CDK13: variants seen among roughly 807,000 people sequenced by gnomAD.
CDK13 encodes cyclin-dependent kinase 13.
Under a neutral mutation model 137.6 loss-of-function variants are expected in CDK13, and 40 were observed. The observed-to-expected ratio is 0.29, with a 90% CI of 0.23 to 0.38. CDK13 has a LOEUF of 0.38. Ranked by LOEUF, CDK13 falls within the 10% of genes least tolerant of loss-of-function variation. CDK13 has a pLI of 1.00. For synonymous variants in CDK13, 869 were observed against 760.1 expected (o/e 1.14, Z -2.36); for missense variants, 1,704 against 1,951.8 (o/e 0.87, Z 2.39).
intron 9 of CDK13, among the ~76,000 whole-genome samples, chr7:40,076,162 A>G (rs977359563): frequency 1.3e-5 from 2 of 152,182 alleles, no homozygotes; most frequent in South Asian, 2.1e-4. Context: ...TACTTCTATT[A>G]TAGTGCACAA....
chr7:40,046,728 T>G (rs1375362972), intron 6 of CDK13, among the ~76,000 whole-genome samples: 1 of 150,976 alleles, frequency 6.6e-6, no homozygotes, highest in Non-Finnish European at 1.5e-5. Context: ...AGTGGCCGGG[T>G]GGGGCAGCTC....
At chr7:40,079,246 C>T (rs974666689) in intron 11 of CDK13, among the ~76,000 whole-genome samples, 1 of 152,116 alleles carries the variant, frequency 6.6e-6, no homozygotes, top group East Asian at 1.9e-4. Context: ...TGGCAAAACC[C>T]CGTCTCTACT....
intron 7 of CDK13, among the ~76,000 whole-genome samples, chr7:40,058,401 A>C (rs1584049974): frequency 6.6e-6 from 1 of 152,224 alleles, no homozygotes; most frequent in East Asian, 1.9e-4. Flanking sequence ...GTAGCTGGGC[A>C]TGGTGGTGCA....
At position 40,077,986 on chromosome 7, in the gene CDK13, C is replaced by T. The variant is rs1486068010; in HGVS notation, c.2781-19C>T. 8.4e-7 allele frequency: 1 copy of T among 1,184,776 alleles called. No homozygotes were observed. The highest frequency in any genetic ancestry group is 1.6e-5 in the South Asian group (1 of 63,976). 73.4% of individuals were successfully genotyped at this position (1,184,776 alleles called of 1,614,324 possible). On this transcript the variant is annotated intron_variant, in intron 9 of 13. Transcript: ENST00000181839. ...TTATGTAGTTGATAGTGATGTACTT[C>T]CTTTTGTGTGTTGCTTAGCCGAATA...
chr7:40,021,624 A>G (rs932835474), intron 5 of CDK13, among the ~76,000 whole-genome samples: 2 of 152,240 alleles, frequency 1.3e-5, no homozygotes, highest in Non-Finnish European at 2.9e-5. Flanking sequence ...TTAGAAACTT[A>G]ACAAATCTAA....
chr7:39,971,431 C>CA (rs1217000797), intron 1 of CDK13, among the ~76,000 whole-genome samples: 1 of 152,104 alleles, frequency 6.6e-6, no homozygotes, highest in Non-Finnish European at 1.5e-5. Context: ...GTAGGAGAAT[C>CA]ACTTGAGCCC....
chr7:39,951,311 G>A lies in CDK13; in HGVS notation c.670G>A (p.Gly224Ser), dbSNP rs1787178452. 3 of 1,396,654 alleles carry A rather than the reference G, an allele frequency of 2.1e-6. No homozygotes were observed. The highest frequency in any genetic ancestry group is 2.8e-6 in the Non-Finnish European group (3 of 1,085,482). The allele number at this position is 1,396,654 out of a possible 1,614,324, so 86.5% of individuals were successfully genotyped here. Residue 224 changes from glycine to serine, a missense_variant, in exon 1 of 14, where the codon GGT becomes AGT. Around this residue, in one of 5 missense-constraint regions of CDK13, gnomAD observed 1,051 missense variants for 931.0 expected, o/e 1.13. Transcript: ENST00000181839. ...GCACCGGCGGCGGGATGGGCAGCGCGGTGGCAGCGAGGCCTCCAAGTCCCG... is the reference window on the plus strand; with the variant it reads ...GCACCGGCGGCGGGATGGGCAGCGCAGTGGCAGCGAGGCCTCCAAGTCCCG... The part of the protein sequence containing the change: ...REHRRRDGQR[G>S]GSEASKSRSR...
intron 1 of CDK13, chr7:39,952,829 C>CT (rs4051944): frequency 1.3e-5 from 2 of 151,620 alleles, no homozygotes; most frequent in Non-Finnish European, 2.9e-5. Flanking sequence ...GCTTTCTTGC[C>CT]TTTTTTGTTA....
chr7:40,089,918 C>G lies in CDK13; in HGVS notation c.3235+1587C>G, dbSNP rs10268069. 3.0e-3 allele frequency among the ~76,000 whole-genome samples: 457 copies of G among 152,238 alleles called. 3 individuals are homozygous for G. The highest frequency in any genetic ancestry group is 0.01 in the African/African-American group (430 of 41,558). The stretch of plus-strand genomic sequence containing the variant: ...AACTGAGAAAGCTTTAGGAAGATAA[C>G]CATTAATGCTTGCCAATGTAGTCTA... On this transcript the variant is annotated intron_variant, in intron 12 of 13. Coordinates refer to ENST00000181839, the MANE Select transcript of CDK13 (RefSeq NM_003718.5).
rs749105396 is a variant in CDK13 at position 39,951,480 on chromosome 7, G to A, written c.839G>A (p.Arg280His). The change falls in exon 1 of 14, where the codon CGC becomes CAC. Residue 280 changes from arginine to histidine, a missense_variant. By Grantham distance (29) the Arg-to-His change is conservative. Coordinates refer to ENST00000181839, the MANE Select transcript of CDK13 (RefSeq NM_003718.5). The part of the protein sequence containing the change: ...SRKDRDSKAH[R>H]SRTKSSKEPP... ...AAGGACCGGGACTCGAAGGCCCACC[G>A]CAGCCGGACTAAGTCGTCCAAGGAG... The A allele has an allele frequency of 5.9e-6, 9 of 1,537,058 alleles. No homozygotes were observed. In the South Asian group the frequency reaches 7.2e-5, roughly 12 times the overall value.
At chr7:39,963,160 G>A (rs1380708700) in intron 1 of CDK13, among the ~76,000 whole-genome samples, 1 of 152,142 alleles carries the variant, frequency 6.6e-6, no homozygotes, top group Non-Finnish European at 1.5e-5. Context: ...ATTCTGTGAA[G>A]AAAGTCATTG....
chr7:40,031,382 C>T (rs1244942644), intron 5 of CDK13, among the ~76,000 whole-genome samples: 2 of 151,986 alleles, frequency 1.3e-5, no homozygotes, highest in Admixed American at 6.6e-5. Context: ...AATAACTTGA[C>T]GTGGTGGCAC....
At chr7:40,083,677 A>AT (rs1352876048) in intron 11 of CDK13, among the ~76,000 whole-genome samples, 2 of 152,178 alleles carry the variant, frequency 1.3e-5, no homozygotes, top group African/African-American at 4.8e-5. Flanking sequence ...ATCAGACTTA[A>AT]TTTTATCAGA....
intron 1 of CDK13, among the ~76,000 whole-genome samples, chr7:39,958,169 T>C (rs995673371): frequency 2.0e-5 from 3 of 152,108 alleles, no homozygotes; most frequent in African/African-American, 4.8e-5. Context: ...GTAAGTAAAA[T>C]GGAAATGAGG....
intron 9 of CDK13, among the ~76,000 whole-genome samples, chr7:40,073,320 G>A (rs1786463901): frequency 6.6e-6 from 1 of 152,056 alleles, no homozygotes; most frequent in African/African-American, 2.4e-5. Context: ...GGAACCCTAC[G>A]ATCTCAGATG....
intron 5 of CDK13, among the ~76,000 whole-genome samples, chr7:40,016,423 A>T (rs997592602): frequency 6.6e-6 from 1 of 152,226 alleles, no homozygotes; most frequent in Non-Finnish European, 1.5e-5. Flanking sequence ...ACCTATATGT[A>T]CTAGATGTCA....
At chr7:40,008,830 T>C (rs1394822052) in intron 5 of CDK13, among the ~76,000 whole-genome samples, 1 of 152,224 alleles carries the variant, frequency 6.6e-6, no homozygotes, top group Non-Finnish European at 1.5e-5. Context: ...CATTATGTTA[T>C]GTAAAAGATA....
At chr7:39,989,635 G>C (rs1463900497) in intron 2 of CDK13, among the ~76,000 whole-genome samples, 1 of 152,090 alleles carries the variant, frequency 6.6e-6, no homozygotes, top group African/African-American at 2.4e-5. Flanking sequence ...GTATTTGCAG[G>C]TTTGACTGTT....
chr7:39,999,627 T>C (rs2116318880), intron 4 of CDK13, 127 bp downstream of exon 4: 1 of 955,108 alleles, frequency 1.0e-6, no homozygotes, highest in East Asian at 2.6e-5. Flanking sequence ...TTTTGTTTCA[T>C]CTTGTTTTTT....
Sources: gnomAD v4.1 joint callset for allele counts (sites outside exome capture counted in the v4.1 genomes callset) on GRCh38, gnomAD v4.1.1 for gene constraint, gnomAD v4.1.1 regional missense constraint, MANE v1.5 for transcripts, NCBI Gene and HGNC (gene_info 2026-07-23, HGNC 2026-07-21) for gene names.